The following INAVA variants were observed in gnomAD, a reference collection of about 807,000 sequenced individuals.
INAVA encodes innate immunity activator protein.
Under a neutral mutation model 55.3 loss-of-function variants are expected in INAVA, and 32 were observed. The observed-to-expected ratio is 0.58, with a 90% CI of 0.44 to 0.78. INAVA has a LOEUF of 0.78. Ranked by LOEUF, INAVA falls within the 30% of genes least tolerant of loss-of-function variation. INAVA has a pLI of 0.00. For missense variants in INAVA, 756 were observed against 786.4 expected, an observed-to-expected ratio of 0.96 and a Z score of 0.46; for synonymous variants, 294 against 329.4, an observed-to-expected ratio of 0.89 and a Z score of 1.16.
intron 4 of INAVA, 65 bp downstream of exon 4, chr1:200,900,285 C>T (rs1653185559): frequency 5.0e-6 from 7 of 1,411,744 alleles, no homozygotes; most frequent in Middle Eastern, 1.8e-4. Context: ...AGACGCCACA[C>T]CTCAGCTCAG....
chr1:200,912,885 T>G (rs1263583457), intron 9 of INAVA, among the ~76,000 whole-genome samples: 1 of 152,120 alleles, frequency 6.6e-6, no homozygotes, highest in Admixed American at 6.5e-5. Context: ...GAGGGTAGTA[T>G]ATAGGATAGA....
intron 8 of INAVA, among the ~76,000 whole-genome samples, chr1:200,910,880 G>A (rs1427862078): frequency 2.0e-5 from 3 of 152,182 alleles, no homozygotes; most frequent in East Asian, 1.9e-4. Context: ...AGCCCCTGCC[G>A]GTCTTGGGCT....
At chr1:200,898,080 G>A (rs537976849) in intron 1 of INAVA, among the ~76,000 whole-genome samples, 1 of 152,294 alleles carries the variant, frequency 6.6e-6, no homozygotes, top group South Asian at 2.1e-4. Flanking sequence ...GGCCCAGAGG[G>A]GAGTTAGGCT....
chr1:200,910,879 C>T (rs927583607), intron 8 of INAVA, among the ~76,000 whole-genome samples: 5 of 152,176 alleles, frequency 3.3e-5, no homozygotes, highest in East Asian at 1.9e-4. Flanking sequence ...CAGCCCCTGC[C>T]GGTCTTGGGC....
chr1:200,906,828 TC>T (rs1653511774), intron 5 of INAVA, among the ~76,000 whole-genome samples: 1 of 152,074 alleles, frequency 6.6e-6, no homozygotes, highest in African/African-American at 2.4e-5. Flanking sequence ...AGAGTGAAAT[TC>T]CCTTTTTTTT....
chr1:200,900,121 G>A lies in INAVA; in HGVS notation c.198G>A (p.Leu66=), dbSNP rs1329522401. 1 of 1,613,224 alleles carries A rather than the reference G, an allele frequency of 6.2e-7. No individual in the cohort carries two copies. The highest frequency in any genetic ancestry group is 8.5e-7 in the Non-Finnish European group (1 of 1,179,598). The change falls in exon 4 of 10, where the codon TTG becomes TTA. Residue 66 remains leucine (L), a synonymous_variant. Transcript: ENST00000413687. ...CTCCCCAGGAGCTGACGGGCACCTTGCCAGCGGAGTATCCCCTCAAACCAG... is the reference window on the plus strand; with the variant it reads ...CTCCCCAGGAGCTGACGGGCACCTTACCAGCGGAGTATCCCCTCAAACCAG... ...CLREAELTGT[L]PAEYPLKPGE...
chr1:200,904,268 T>C (rs57226353), intron 5 of INAVA, among the ~76,000 whole-genome samples: 14,132 of 152,112 alleles, frequency 0.093, 895 homozygotes, highest in East Asian at 0.19. Flanking sequence ...TTTGTATTTT[T>C]AGTAGAGATG....
chr1:200,900,913 C>G, intron 4 of INAVA, 24 bp from the exon 5 acceptor site: 1 of 1,516,560 alleles, frequency 6.6e-7, no homozygotes, highest in Non-Finnish European at 8.9e-7. Flanking sequence ...CTCTCTCTAG[C>G]CTCACTCCTG....
At chr1:200,894,047 T>C (rs1668290021), upstream of INAVA, among the ~76,000 whole-genome samples, 1 of 152,172 alleles carries the variant, frequency 6.6e-6, no homozygotes, top group Non-Finnish European at 1.5e-5. Context: ...TGCTTCCGCC[T>C]TGAAATAGGC....
rs1390068524 is a variant in INAVA, at chr1:200,895,059, T to C, written c.-123T>C. 1.6e-5 allele frequency: 16 copies of C among 985,508 alleles called. No individual in the cohort carries two copies. Among genetic ancestry groups the C allele is most frequent in the Non-Finnish European group, 1.9e-5 (16 of 830,176 alleles). The allele number at this position is 985,508 out of a possible 1,614,324, so 61.0% of individuals were successfully genotyped here. ...CCTGACTGGAAGCAGGGGCTGTTTT[T>C]CAACTCCTGGACTAAAGCCCAGAAG... On this transcript the variant is annotated 5_prime_UTR_variant, in exon 1 of 10. Transcript: ENST00000413687.
chr1:200,897,134 G>A (rs1278734387), intron 1 of INAVA, among the ~76,000 whole-genome samples: 1 of 152,202 alleles, frequency 6.6e-6, no homozygotes, highest in Non-Finnish European at 1.5e-5. Flanking sequence ...CCCTAGCTGA[G>A]CCGACACAAT....
At chr1:200,911,083 TA>T (rs1388360141) in intron 8 of INAVA, among the ~76,000 whole-genome samples, 5 of 54,970 alleles carry the variant, frequency 9.1e-5, no homozygotes, top group South Asian at 5.6e-4. Context: ...TGTAGTACTT[TA>T]AAAAAAGTAC....
Position 200,899,586 on chromosome 1 carries a change from C to G in INAVA, c.169C>G (p.Leu57Val). ...CCTGGAGGAGCTGAGGAGACTCTGC[C>G]TTCGGGAAGCGGTGAGGCCCCAGCC... is the stretch of plus-strand genomic sequence containing the variant. ...ACLEELRRLCLREAELTGTLP... is the reference protein window; with the variant it reads ...ACLEELRRLCVREAELTGTLP... Residue 57 changes from leucine to valine, a missense_variant, in exon 3 of 10, where the codon CTT becomes GTT. Transcript: ENST00000413687. The G allele has an allele frequency of 6.2e-7, 1 of 1,612,390 alleles. No homozygotes were observed. The highest frequency in any genetic ancestry group is 8.5e-7 in the Non-Finnish European group (1 of 1,179,606).
At chr1:200,901,340 G>A (rs1195359347) in intron 5 of INAVA, among the ~76,000 whole-genome samples, 181 bp downstream of exon 5, 2 of 152,192 alleles carry the variant, frequency 1.3e-5, no homozygotes, top group Non-Finnish European at 2.9e-5. Flanking sequence ...ATCCTGTGAG[G>A]TCTTCTTCTC....
At position 200,908,717 on chromosome 1, in the gene INAVA, T is replaced by A; in HGVS notation, c.575-13T>A. On this transcript the variant is annotated splice_polypyrimidine_tract_variant and intron_variant, in intron 6 of 9. Coordinates refer to ENST00000413687, the MANE Select transcript of INAVA (RefSeq NM_001142569.3). ...CAGCCTCTGGCCTTACCAGGTTTCT[T>A]TTACTCCTGCAGAGGAATCCCAAGT... The A allele has an allele frequency of 1.3e-6, 2 of 1,538,980 alleles. No individual in the cohort carries two copies.
Position 200,913,855 on chromosome 1 carries a change from C to T in INAVA, c.*226C>T, listed in dbSNP as rs1296389371. The T allele has an allele frequency of 2.1e-5, 11 of 523,792 alleles. No homozygotes were observed. In the South Asian group the frequency reaches 2.6e-4, roughly 12 times the overall value. The allele number at this position is 523,792 out of a possible 1,614,324, so 32.4% of individuals were successfully genotyped here. A position where few individuals can be genotyped will look rare whatever the true frequency, so the allele number is the denominator to read the frequency against. ...CCCTGTGATATGATTATGTTTTATC[C>T]CCCAGAGTTTGGCCTACTGGACTTA... On this transcript the variant is annotated 3_prime_UTR_variant, in exon 10 of 10. Coordinates refer to ENST00000413687, the MANE Select transcript of INAVA (RefSeq NM_001142569.3).
At chr1:200,907,660 T>C (rs1222484078) in intron 5 of INAVA, among the ~76,000 whole-genome samples, 174 bp from the exon 6 acceptor site, 2 of 145,444 alleles carry the variant, frequency 1.4e-5, no homozygotes, top group African/African-American at 5.1e-5. Flanking sequence ...CCCTGTCTCT[T>C]AAAAAAAAAA....
At chr1:200,895,175 C>T (rs1390565200) in intron 1 of INAVA, 88 bp downstream of exon 1, 6 of 949,736 alleles carry the variant, frequency 6.3e-6, no homozygotes, top group Non-Finnish European at 7.5e-6. Flanking sequence ...CCATCACCCC[C>T]CTCCGACCCC....
chr1:200,902,580 C>T (rs1026294313), intron 5 of INAVA, among the ~76,000 whole-genome samples: 2 of 152,254 alleles, frequency 1.3e-5, no homozygotes, highest in African/African-American at 4.8e-5. Context: ...AGTTCTACAA[C>T]CTTACTCCAC....
Sources: gnomAD v4.1 joint callset for allele counts (sites outside exome capture counted in the v4.1 genomes callset) on GRCh38, gnomAD v4.1.1 for gene constraint, MANE v1.5 for transcripts, NCBI Gene and HGNC (gene_info 2026-07-23, HGNC 2026-07-21) for gene names.